The following RABGAP1L variants were observed in gnomAD, a reference collection of about 807,000 sequenced individuals.
RABGAP1L encodes rab GTPase-activating protein 1-like.
In RABGAP1L, 63 loss-of-function variants were observed where a neutral mutation model predicts 137.7. That is an observed-to-expected ratio of 0.46 (90% confidence interval 0.37 to 0.56). The LOEUF (loss-of-function observed/expected upper bound fraction) is 0.56. Ranked by LOEUF, RABGAP1L falls within the 20% of genes least tolerant of loss-of-function variation. RABGAP1L has a pLI of 0.00. For missense variants in RABGAP1L, 1,095 were observed against 1,244.0 expected (o/e 0.88, Z 1.80); for synonymous variants, 431 against 433.7 (o/e 0.99, Z 0.08).
intron 14 of RABGAP1L, among the ~76,000 whole-genome samples, chr1:174,658,185 C>T (rs987918234): frequency 6.6e-6 from 1 of 152,294 alleles, no homozygotes; most frequent in Non-Finnish European, 1.5e-5. Flanking sequence ...TAATTACCCT[C>T]CAGGCAGCTG....
chr1:174,746,147 T>G (rs1683844378), intron 17 of RABGAP1L, among the ~76,000 whole-genome samples: 1 of 152,224 alleles, frequency 6.6e-6, no homozygotes, highest in Non-Finnish European at 1.5e-5. Context: ...AGTGTCTTTG[T>G]TTCAGTGAGT....
chr1:174,613,021 T>G (rs1357689814), intron 13 of RABGAP1L, among the ~76,000 whole-genome samples: 2 of 151,688 alleles, frequency 1.3e-5, no homozygotes, highest in Non-Finnish European at 2.9e-5. Flanking sequence ...CTAGATTCAT[T>G]AATTTTTTGA....
At chr1:174,607,941 C>T (rs368562734) in intron 13 of RABGAP1L, among the ~76,000 whole-genome samples, 17 of 152,258 alleles carry the variant, frequency 1.1e-4, no homozygotes, top group African/African-American at 3.6e-4. Flanking sequence ...GCAACCCTTA[C>T]GAAAGTGTGA....
At chr1:174,596,263 A>G (rs1669905789) in intron 13 of RABGAP1L, among the ~76,000 whole-genome samples, 1 of 149,506 alleles carries the variant, frequency 6.7e-6, no homozygotes. Flanking sequence ...GGCACTCCCT[A>G]GTGAGATGAA....
intron 19 of RABGAP1L, among the ~76,000 whole-genome samples, chr1:174,934,016 A>G (rs1336741907): frequency 6.6e-6 from 1 of 152,226 alleles, no homozygotes; most frequent in Non-Finnish European, 1.5e-5. Context: ...CAGTTAATAA[A>G]TATTTAAAGG....
chr1:174,371,102 C>A (rs918936765), intron 12 of RABGAP1L, 30 bp downstream of exon 12: 2 of 1,254,976 alleles, frequency 1.6e-6, no homozygotes. Context: ...ACTGAAAATT[C>A]TATATTTACA....
chr1:174,591,083 G>T (rs1669589151), intron 13 of RABGAP1L, among the ~76,000 whole-genome samples: 1 of 74,310 alleles, frequency 1.3e-5, no homozygotes, highest in Non-Finnish European at 2.3e-5. Flanking sequence ...GTTTTGATTT[G>T]CATTTCTCTC....
chr1:174,741,855 C>CAAAAAA (rs775821774), intron 17 of RABGAP1L, among the ~76,000 whole-genome samples: 16 of 41,858 alleles, frequency 3.8e-4, no homozygotes, highest in African/African-American at 1.6e-3. Context: ...CCTATTTCTA[C>CAAAAAA]AAAAAAAAAA....
intron 19 of RABGAP1L, among the ~76,000 whole-genome samples, chr1:174,855,334 TGGA>T (rs1649120138): frequency 6.6e-6 from 1 of 152,156 alleles, no homozygotes; most frequent in African/African-American, 2.4e-5. Context: ...TGAAAGACAC[TGGA>T]GGAAGCTTCT....
intron 10 of RABGAP1L, among the ~76,000 whole-genome samples, chr1:174,301,119 A>T (rs1023392652): frequency 6.6e-6 from 1 of 151,766 alleles, no homozygotes; most frequent in African/African-American, 2.4e-5. Context: ...CTCTGGTTGG[A>T]GGTGGGGTGT....
At chr1:174,390,191 A>G (rs1687109435) in intron 12 of RABGAP1L, among the ~76,000 whole-genome samples, 2 of 152,148 alleles carry the variant, frequency 1.3e-5, no homozygotes, top group Non-Finnish European at 2.9e-5. Flanking sequence ...CAGTAAAATA[A>G]GGCTGTTAAT....
intron 10 of RABGAP1L, among the ~76,000 whole-genome samples, chr1:174,289,924 G>T (rs1014837396): frequency 1.3e-5 from 2 of 152,190 alleles, no homozygotes; most frequent in East Asian, 3.8e-4. Flanking sequence ...GTCAGGTAGG[G>T]ATACTGATTG....
At chr1:174,716,770 A>C (rs1681052418) in intron 17 of RABGAP1L, among the ~76,000 whole-genome samples, 1 of 152,130 alleles carries the variant, frequency 6.6e-6, no homozygotes, top group South Asian at 2.1e-4. Flanking sequence ...TATGCCAGAA[A>C]ATTTTTCATA....
At chr1:174,613,045 T>C (rs1671422071) in intron 13 of RABGAP1L, among the ~76,000 whole-genome samples, 1 of 151,542 alleles carries the variant, frequency 6.6e-6, no homozygotes, top group Non-Finnish European at 1.5e-5. Context: ...GTTTTTTGTG[T>C]CTCTATTTCC....
Position 174,467,951 on chromosome 1 carries a change from T to A in RABGAP1L, c.1710+73806T>A, listed in dbSNP as rs76682486. 6.4e-4 allele frequency among the ~76,000 whole-genome samples: 97 copies of A among 152,218 alleles called. 1 individual carries two copies. The East Asian group carries it at 0.017, about 27-fold the overall frequency. Reference sequence around the variant, plus strand: ...AGTAAACTTGGCAAATTTCCCTCAATAGGAAAACGTTAGCATTTTAGAAAT... The same window carrying A: ...AGTAAACTTGGCAAATTTCCCTCAAAAGGAAAACGTTAGCATTTTAGAAAT... On this transcript the variant is annotated intron_variant, in intron 13 of 25. Transcript: ENST00000681986.
At chr1:174,949,502 G>A (rs1667405539) in intron 19 of RABGAP1L, among the ~76,000 whole-genome samples, 1 of 152,186 alleles carries the variant, frequency 6.6e-6, no homozygotes, top group African/African-American at 2.4e-5. Context: ...TGACTTGTGG[G>A]TTTCTGGCTT....
intron 12 of RABGAP1L, among the ~76,000 whole-genome samples, chr1:174,385,059 A>G (rs1004128516): frequency 6.6e-6 from 1 of 152,194 alleles, no homozygotes; most frequent in Non-Finnish European, 1.5e-5. Context: ...TAGCCATTTT[A>G]AAAACATCAT....
Position 174,990,237 on chromosome 1 carries a change from A to C in RABGAP1L, c.*236A>C. 1 of 385,874 alleles carries C rather than the reference A, an allele frequency of 2.6e-6. No individual in the cohort carries two copies. Among genetic ancestry groups the C allele is most frequent in the Non-Finnish European group, 4.5e-6 (1 of 220,858 alleles). The allele number at this position is 385,874 out of a possible 1,614,324, so 23.9% of individuals were successfully genotyped here. On this transcript the variant is annotated 3_prime_UTR_variant, in exon 26 of 26. Coordinates refer to ENST00000681986, the MANE Select transcript of RABGAP1L (RefSeq NM_001366446.1). ...GGAAGGCCATGTTCAGATCCATCAT[A>C]GTATTACACATTATTTTGTTTGCCT...
At chr1:174,384,272 T>C (rs1349966835) in intron 12 of RABGAP1L, among the ~76,000 whole-genome samples, 2 of 152,210 alleles carry the variant, frequency 1.3e-5, no homozygotes, top group Non-Finnish European at 1.5e-5. Flanking sequence ...ACTGGTGGTA[T>C]TGACTACAAG....
Sources: gnomAD v4.1 joint callset for allele counts (sites outside exome capture counted in the v4.1 genomes callset) on GRCh38, gnomAD v4.1.1 for gene constraint, MANE v1.5 for transcripts, NCBI Gene and HGNC (gene_info 2026-07-23, HGNC 2026-07-21) for gene names.